Variants in VGLL4 observed in about 807,000 individuals in gnomAD.
The protein encoded by VGLL4 is vestigial like family member 4, also known as transcription cofactor vestigial-like protein 4.
A neutral mutation model predicts 21.0 loss-of-function variants in VGLL4; 7 were observed. The ratio of observed to expected loss-of-function variants is 0.33; its 90% CI spans 0.19 to 0.63. The LOEUF is 0.63. VGLL4 is among the 20% of genes least tolerant of loss of function. The pLI is 0.78. For missense variants in VGLL4, 394 were observed against 425.7 expected (o/e 0.93, Z 0.66); for synonymous variants, 222 against 173.2 (o/e 1.28, Z -2.21).
chr3:11,665,570 G>C (rs895645754), intron 2 of VGLL4, among the ~76,000 whole-genome samples: 3 of 152,226 alleles, frequency 2.0e-5, no homozygotes, highest in Non-Finnish European at 4.4e-5. Context: ...GAGCAGCTGT[G>C]GGGGAAGAGG....
rs1194782492 is a variant in VGLL4, at chr3:11,568,911, C to CCTAG, written c.273-3896_273-3893dup. ...GCCCCGCCCCGGGCCTCATCCCCAT[C>CCTAG]CTAGGCGGGCACTTCCACTGCCAGC... On this transcript the variant is annotated intron_variant, in intron 2 of 4. Transcript: ENST00000430365. This position sits in a 1 kb window ranked among gnomAD's most constrained non-coding sequence, Gnocchi z 5.9. The CCTAG allele has an allele frequency of 2.3e-6, 3 of 1,277,390 alleles. No individual in the cohort carries two copies. In the African/African-American group the frequency reaches 4.6e-5, roughly 19 times the overall value. The allele number at this position is 1,277,390 out of a possible 1,614,324, so 79.1% of individuals were successfully genotyped here.
intron 2 of VGLL4, among the ~76,000 whole-genome samples, chr3:11,682,510 G>A (rs1434204642): frequency 6.6e-6 from 1 of 151,740 alleles, no homozygotes; most frequent in Non-Finnish European, 1.5e-5. Flanking sequence ...CCCAGGAGGT[G>A]GAAGCTGCAA....
At chr3:11,606,229 G>A (rs866567401) in intron 1 of VGLL4, among the ~76,000 whole-genome samples, 2 of 152,200 alleles carry the variant, frequency 1.3e-5, no homozygotes, top group Non-Finnish European at 1.5e-5. Context: ...CCGCCCCCAC[G>A]ATTCAGTTAT....
chr3:11,584,372 A>G (rs539545852), intron 2 of VGLL4, among the ~76,000 whole-genome samples: 1 of 152,164 alleles, frequency 6.6e-6, no homozygotes, highest in Admixed American at 6.5e-5. Flanking sequence ...ACACAATAAC[A>G]ATGTTTCTCC....
In VGLL4 at chr3:11,556,555, T is replaced by C. The variant is rs1288840783; in HGVS notation, c.*2001A>G. The C allele has an allele frequency of 6.6e-6, 1 of 152,552 alleles. No individual in the cohort carries two copies. The highest frequency in any genetic ancestry group is 1.5e-5 in the Non-Finnish European group (1 of 68,016). 9.4% of individuals were successfully genotyped at this position (152,552 alleles called of 1,614,324 possible). On this transcript the variant is annotated 3_prime_UTR_variant, in exon 5 of 5. Transcript: ENST00000430365. ...GGCTATGAATGCAGATGCAGTGTTC[T>C]CATAGAATAACTGTTCCTGCACTTT...
chr3:11,679,062 C>T (rs1377324901), intron 2 of VGLL4, among the ~76,000 whole-genome samples: 1 of 152,140 alleles, frequency 6.6e-6, no homozygotes, highest in Non-Finnish European at 1.5e-5. Flanking sequence ...GAATAAATGA[C>T]CCTGTTATTG....
chr3:11,654,089 C>CG (rs1463468621), intron 2 of VGLL4, among the ~76,000 whole-genome samples: 1 of 152,070 alleles, frequency 6.6e-6, no homozygotes, highest in Admixed American at 6.5e-5. Context: ...CACCCCCCAC[C>CG]ACCACCACCA....
Position 11,568,937 on chromosome 3 carries a change from T to G in VGLL4, c.273-3918A>C. On this transcript the variant is annotated intron_variant, in intron 2 of 4. Coordinates refer to ENST00000430365, the MANE Select transcript of VGLL4 (RefSeq NM_001128219.3). This position sits in a 1 kb window ranked among gnomAD's most constrained non-coding sequence, Gnocchi z 5.9. ...CTAGGCGGGCACTTCCACTGCCAGC[T>G]GCCCACGGAGAGAAAGATGGAAAGA... is the stretch of plus-strand genomic sequence containing the variant. The G allele has an allele frequency of 8.1e-7, 1 of 1,234,824 alleles. No homozygotes were observed. The highest frequency in any genetic ancestry group is 1.0e-6 in the Non-Finnish European group (1 of 980,732). The allele number at this position is 1,234,824 out of a possible 1,614,324, so 76.5% of individuals were successfully genotyped here.
chr3:11,715,761 C>T (rs536549616), intron 1 of VGLL4, among the ~76,000 whole-genome samples: 1 of 152,278 alleles, frequency 6.6e-6, no homozygotes, highest in East Asian at 1.9e-4. Flanking sequence ...CACATTTTTG[C>T]AAACTGATCA....
intron 1 of VGLL4, among the ~76,000 whole-genome samples, chr3:11,626,061 A>G (rs758745212): frequency 2.9e-4 from 44 of 152,252 alleles, no homozygotes; most frequent in Non-Finnish European, 5.4e-4. Flanking sequence ...ATATCTCAGC[A>G]AAGCTGTTAA....
At position 11,687,582 on chromosome 3, in the gene VGLL4, T is replaced by C. The variant is rs541758317; in HGVS notation, c.64+15389A>G. 1.8e-3 allele frequency among the ~76,000 whole-genome samples: 269 copies of C among 152,286 alleles called. 1 individual carries two copies. The highest frequency in any genetic ancestry group is 6.4e-3 in the African/African-American group (264 of 41,568). ...ACTTCAGCCTCCCACAGTGCTGGGA[T>C]TACAGGTGTGAGGCACTGTACCCGG... is the stretch of plus-strand genomic sequence containing the variant. On this transcript the variant is annotated intron_variant, in intron 2 of 5. Coordinates refer to the VGLL4 transcript ENST00000273038.
intron 2 of VGLL4, among the ~76,000 whole-genome samples, chr3:11,679,450 C>T (rs1363712960): frequency 1.3e-5 from 2 of 151,958 alleles, no homozygotes; most frequent in African/African-American, 2.4e-5. Flanking sequence ...TTTGGGAGGC[C>T]GAGGCGGGCG....
At chr3:11,582,178 A>G in intron 2 of VGLL4, 1 of 1,306,082 alleles carries the variant, frequency 7.7e-7, no homozygotes, top group Admixed American at 2.0e-5. Context: ...CTCTCCCAGC[A>G]CTTGCTGTCT....
At chr3:11,689,609 C>A (rs1402440151) in intron 2 of VGLL4, among the ~76,000 whole-genome samples, 1 of 152,160 alleles carries the variant, frequency 6.6e-6, no homozygotes. Flanking sequence ...TTACTCTGGG[C>A]TTTTTCTTTC....
intron 2 of VGLL4, among the ~76,000 whole-genome samples, chr3:11,582,804 T>C (rs922819685): frequency 2.6e-5 from 4 of 152,274 alleles, no homozygotes; most frequent in Admixed American, 2.6e-4. Context: ...AAATCCCCTA[T>C]TCTCTGCTGC....
In VGLL4 at chr3:11,675,520, A is replaced by G. The variant is rs2076277756; in HGVS notation, c.64+27451T>C. On this transcript the variant is annotated intron_variant, in intron 2 of 5. Transcript: ENST00000273038. ...TGTGTTTGTTCATATGCTTTTAAACAAATAAAATGTTTTACACAAATGTAA... is the reference window on the plus strand; with the variant it reads ...TGTGTTTGTTCATATGCTTTTAAACGAATAAAATGTTTTACACAAATGTAA... Among the ~76,000 whole-genome samples, 3 of 152,150 alleles carry G rather than the reference A, an allele frequency of 2.0e-5. No homozygotes were observed. The South Asian group carries it at 6.2e-4, about 32-fold the overall frequency.
chr3:11,604,572 G>A, intron 1 of VGLL4: 6 of 924,818 alleles, frequency 6.5e-6, no homozygotes, highest in East Asian at 1.2e-4. Context: ...TGTGTGGTGG[G>A]GTTAAAATTA....
At position 11,568,843 on chromosome 3, in the gene VGLL4, C is replaced by T; in HGVS notation, c.273-3824G>A. On this transcript the variant is annotated intron_variant, in intron 2 of 4. Coordinates refer to ENST00000430365, the MANE Select transcript of VGLL4 (RefSeq NM_001128219.3). This position sits in a 1 kb window ranked among gnomAD's most constrained non-coding sequence, Gnocchi z 5.9. The stretch of plus-strand genomic sequence containing the variant: ...AACACCCAAAGGACTCTGAGTGGCT[C>T]CGTGCCAGGCCTATCAGAGCCGCTG... The T allele has an allele frequency of 4.3e-6, 6 of 1,392,602 alleles. No individual in the cohort carries two copies. The Middle Eastern group carries it at 1.1e-3, about 252-fold the overall frequency. The allele number at this position is 1,392,602 out of a possible 1,614,324, so 86.3% of individuals were successfully genotyped here.
At chr3:11,590,138 C>G (rs2074452594) in intron 2 of VGLL4, among the ~76,000 whole-genome samples, 4 of 152,214 alleles carry the variant, frequency 2.6e-5, no homozygotes. Context: ...CTTAGAGCAT[C>G]TTGAGAGAAG....
Sources: gnomAD v4.1 joint callset for allele counts (sites outside exome capture counted in the v4.1 genomes callset) on GRCh38, gnomAD v4.1.1 for gene constraint, Gnocchi (gnomAD v3.1) non-coding constraint, MANE v1.5 for transcripts, NCBI Gene and HGNC (gene_info 2026-07-23, HGNC 2026-07-21) for gene names.